ACCSL: variants seen among roughly 807,000 people sequenced by gnomAD.
ACCSL encodes 1-aminocyclopropane-1-carboxylate synthase homolog (inactive) like.
Under a neutral mutation model 61.7 loss-of-function variants are expected in ACCSL, and 55 were observed. That is an observed-to-expected ratio of 0.89 (90% CI 0.72 to 1.12). The LOEUF is 1.12. ACCSL is among the 50% of genes most tolerant of loss of function. The pLI is 0.00. For synonymous variants in ACCSL, 258 were observed against 264.3 expected, an observed-to-expected ratio of 0.98 and a Z score of 0.23; for missense variants, 632 against 698.0, an observed-to-expected ratio of 0.91 and a Z score of 1.07.
At chr11:43,972,164 G>A in the ACCSL span, among the ~76,000 whole-genome samples, 2 of 152,108 alleles carry the variant, frequency 1.3e-5, no homozygotes, top group African/African-American at 4.8e-5. Flanking sequence ...CTTTTCCCAA[G>A]AGTCCTGTAA....
At chr11:43,972,909 G>A in the ACCSL span, among the ~76,000 whole-genome samples, 118 of 152,300 alleles carry the variant, frequency 7.7e-4, 1 homozygote, top group African/African-American at 2.6e-3. Context: ...TTGGGAGGCC[G>A]AGGCAGGAGG....
intron 11 of ACCSL, among the ~76,000 whole-genome samples, chr11:44,057,316 T>C (rs542211335): frequency 5.6e-4 from 86 of 152,370 alleles, no homozygotes; most frequent in African/African-American, 1.8e-3. Flanking sequence ...GATGTCATTA[T>C]ATTTGCTGAT....
chr11:43,931,691 T>A, the ACCSL span, among the ~76,000 whole-genome samples: 1 of 152,192 alleles, frequency 6.6e-6, no homozygotes, highest in Non-Finnish European at 1.5e-5. Context: ...ACAAAGTGCT[T>A]TTTGTTGGTG....
At position 44,048,402 on chromosome 11, in the gene ACCSL, A is replaced by G. The variant is rs767511611; in HGVS notation, c.366A>G (p.Gln122=). 2 of 1,614,004 alleles carry G rather than the reference A, an allele frequency of 1.2e-6. No homozygotes were observed. The highest frequency in any genetic ancestry group is 2.2e-5 in the East Asian group (1 of 44,878). The change falls in exon 1 of 14, where the codon CAA becomes CAG. Residue 122 remains glutamine (Q), a synonymous_variant. Coordinates refer to ENST00000378832, the MANE Select transcript of ACCSL (RefSeq NM_001031854.2). The part of the protein sequence containing the change: ...QLSGQPDPVP[Q]LSDCEAAFVN... ...CTGGGCAGCCTGATCCAGTTCCCCA[A>G]CTGAGTGATTGTGAAGCTGCCTTTG...
At chr11:44,014,302 G>C in the ACCSL span, among the ~76,000 whole-genome samples, 1 of 152,302 alleles carries the variant, frequency 6.6e-6, no homozygotes, top group East Asian at 1.9e-4. Context: ...AGGGGCTGCT[G>C]TCATCTGAAA....
At chr11:43,969,074 C>T in the ACCSL span, among the ~76,000 whole-genome samples, 1 of 152,120 alleles carries the variant, frequency 6.6e-6, no homozygotes, top group Non-Finnish European at 1.5e-5. Context: ...TGATGCTGGG[C>T]AGAGTGGCTC....
At chr11:44,052,951 G>C in intron 6 of ACCSL, 40 bp from the exon 7 acceptor site, 1 of 1,589,894 alleles carries the variant, frequency 6.3e-7, no homozygotes, top group Non-Finnish European at 8.6e-7. Flanking sequence ...TCAAGACTTA[G>C]ATTTTAAGAG....
the ACCSL span, chr11:43,943,647 G>T: frequency 1.5e-6 from 2 of 1,305,236 alleles, no homozygotes; most frequent in Non-Finnish European, 2.0e-6. This position sits in a 1 kb window ranked among gnomAD's most constrained non-coding sequence, Gnocchi z 4.8. Context: ...GCTCCACCGT[G>T]CCCCCCAGCG....
At chr11:44,036,333 G>T in the ACCSL span, among the ~76,000 whole-genome samples, 1 of 152,248 alleles carries the variant, frequency 6.6e-6, no homozygotes, top group African/African-American at 2.4e-5. Flanking sequence ...AGACAGGTCT[G>T]CAGTCAGGCC....
chr11:44,052,807 G>A, intron 6 of ACCSL, 48 bp downstream of exon 6: 1 of 1,568,664 alleles, frequency 6.4e-7, no homozygotes, highest in Non-Finnish European at 8.8e-7. Flanking sequence ...ACAATGGACT[G>A]TTCTGGGGAC....
the ACCSL span, among the ~76,000 whole-genome samples, chr11:43,977,924 C>T: frequency 1.3e-5 from 2 of 152,022 alleles, no homozygotes; most frequent in South Asian, 4.2e-4. Context: ...AATATGCTTC[C>T]TACTTAATGG....
the ACCSL span, chr11:43,943,274 G>C: frequency 2.0e-6 from 3 of 1,491,716 alleles, no homozygotes; most frequent in Non-Finnish European, 2.7e-6. This position sits in a 1 kb window ranked among gnomAD's most constrained non-coding sequence, Gnocchi z 4.8. Flanking sequence ...GGCCCTGTAA[G>C]GGGCGCCGCC....
chr11:44,058,214 C>T, intron 11 of ACCSL, 103 bp from the exon 12 acceptor site: 1 of 1,353,852 alleles, frequency 7.4e-7, no homozygotes, highest in Non-Finnish European at 1.0e-6. Flanking sequence ...CAAAAACAAA[C>T]AAACAAACTT....
At chr11:43,951,955 C>T in the ACCSL span, among the ~76,000 whole-genome samples, 9 of 151,776 alleles carry the variant, frequency 5.9e-5, no homozygotes, top group South Asian at 2.1e-4. Flanking sequence ...GAGCTGAGAT[C>T]GTGCCTCTGC....
chr11:43,985,173 C>A, the ACCSL span, among the ~76,000 whole-genome samples: 3 of 152,186 alleles, frequency 2.0e-5, no homozygotes, highest in African/African-American at 4.8e-5. Flanking sequence ...CTTTTCCTGT[C>A]CTGAGCATTG....
At chr11:43,936,365 G>A in the ACCSL span, among the ~76,000 whole-genome samples, 3,492 of 152,296 alleles carry the variant, frequency 0.023, 136 homozygotes, top group African/African-American at 0.079. Flanking sequence ...GTTGGGGGCT[G>A]GGTAGGTTTG....
the ACCSL span, among the ~76,000 whole-genome samples, chr11:43,935,879 G>A: frequency 6.6e-6 from 1 of 152,100 alleles, no homozygotes; most frequent in Non-Finnish European, 1.5e-5. Context: ...CCTTTTAAGG[G>A]CCGACCCCTG....
At chr11:43,948,900 G>A in the ACCSL span, among the ~76,000 whole-genome samples, 1 of 152,354 alleles carries the variant, frequency 6.6e-6, no homozygotes, top group East Asian at 1.9e-4. Context: ...CCCCCTAGGG[G>A]CTGCTCCCTG....
chr11:43,931,978 G>A, the ACCSL span, among the ~76,000 whole-genome samples: 1 of 152,248 alleles, frequency 6.6e-6, no homozygotes, highest in Non-Finnish European at 1.5e-5. Context: ...TGTCTGAGGA[G>A]AAGCACAGGC....
Sources: gnomAD v4.1 joint callset for allele counts (sites outside exome capture counted in the v4.1 genomes callset) on GRCh38, gnomAD v4.1.1 for gene constraint, Gnocchi (gnomAD v3.1) non-coding constraint, MANE v1.5 for transcripts, NCBI Gene and HGNC (gene_info 2026-07-23, HGNC 2026-07-21) for gene names.